Variants in BMP1 observed in about 807,000 individuals in gnomAD.
BMP1 encodes mammalian tolloid protein.
A neutral mutation model predicts 116.8 loss-of-function variants in BMP1; 63 were observed. The observed-to-expected ratio is 0.54, with a 90% CI of 0.44 to 0.67. The LOEUF (loss-of-function observed/expected upper bound fraction) is 0.67. Ranked by LOEUF, BMP1 falls within the 30% of genes least tolerant of loss-of-function variation. The probability of loss-of-function intolerance (pLI) is 0.00; values close to 1 mark genes in which losing one functional copy is unlikely to be tolerated. For missense variants in BMP1, 1,183 were observed against 1,358.9 expected (o/e 0.87, Z 2.04); for synonymous variants, 536 against 533.4 (o/e 1.00, Z -0.07).
intron 13 of BMP1, 63 bp downstream of exon 13, chr8:22,195,650 ATTTTT>A: frequency 7.6e-7 from 1 of 1,315,964 alleles, no homozygotes; most frequent in Non-Finnish European, 1.0e-6. Context: ...CCTGCCCAGA[ATTTTT>A]TTTTTTTTTA....
intron 1 of BMP1, 74 bp from the exon 2 acceptor site, chr8:22,173,528 G>T: frequency 2.7e-6 from 3 of 1,123,700 alleles, no homozygotes; most frequent in Non-Finnish European, 3.8e-6. Flanking sequence ...CCACAGGGTT[G>T]GGGCTAGAAG....
Position 22,194,182 on chromosome 8 carries a change from G to T in BMP1, c.1297+8G>T, listed in dbSNP as rs1379128502. 6.2e-7 allele frequency: 1 copy of T among 1,612,448 alleles called. No homozygotes were observed. The highest frequency in any genetic ancestry group is 1.1e-5 in the South Asian group (1 of 91,040). ...TCTTTGCAGTCTACGAAGGTACTGA[G>T]GAAGGCGGCGGGCGGGAGGAGTCAG... On this transcript the variant is annotated splice_region_variant and intron_variant, in intron 10 of 19. Transcript: ENST00000306385. This position sits in a 1 kb window ranked among gnomAD's most constrained non-coding sequence, Gnocchi z 4.5.
At chr8:22,173,236 G>A (rs899820394) in intron 1 of BMP1, among the ~76,000 whole-genome samples, 3 of 152,258 alleles carry the variant, frequency 2.0e-5, no homozygotes, top group South Asian at 4.1e-4. Context: ...AGGATCACTT[G>A]AAGCCAGGAT....
rs1829020951 is a variant in BMP1, at chr8:22,194,481, A to G, written c.1334A>G (p.His445Arg). ...GGTGATGTGAAAAAGGACTATGGCC[A>G]CATTCAATCGCCCAACTACCCAGAC... ...CGGDVKKDYGHIQSPNYPDDY... is the reference protein window; with the variant it reads ...CGGDVKKDYGRIQSPNYPDDY... The change falls in exon 11 of 20, where the codon CAC (histidine) becomes CGC (arginine). Residue 445 changes from histidine to arginine, a missense_variant. Physicochemically the swap from His to Arg is conservative, Grantham distance 29. This residue lies in a region of BMP1 where 956 missense variants were observed against 1,135.2 expected (regional missense o/e 0.84). Transcript: ENST00000306385. The surrounding 1 kb of genome is among the most constrained non-coding windows in gnomAD (Gnocchi z 4.5). 1 of 1,614,092 alleles carries G rather than the reference A, an allele frequency of 6.2e-7. No homozygotes were observed. Among genetic ancestry groups the G allele is most frequent in the Non-Finnish European group, 8.5e-7 (1 of 1,180,032 alleles).
Position 22,199,458 on chromosome 8 carries a change from C to T in BMP1, c.2107+2038C>T, listed in dbSNP as rs907596054. On this transcript the variant is annotated intron_variant, in intron 15 of 19. Transcript: ENST00000306385. ...CCACCCCCCTGCAACCTGCTCCCCC[C>T]AGCTCCCAGGTGAGGCTGCCCACTC... is the stretch of plus-strand genomic sequence containing the variant. 91 of 1,195,872 alleles carry T rather than the reference C, an allele frequency of 7.6e-5. No homozygotes were observed. In the African/African-American group the frequency reaches 1.4e-3, roughly 18 times the overall value. The allele number at this position is 1,195,872 out of a possible 1,614,324, so 74.1% of individuals were successfully genotyped here.
chr8:22,209,651 T>C lies in BMP1; in HGVS notation c.2782T>C (p.Tyr928His), dbSNP rs1489639154. 3 of 1,613,932 alleles carry C rather than the reference T, an allele frequency of 1.9e-6. No homozygotes were observed. Among genetic ancestry groups the C allele is most frequent in the South Asian group, 1.1e-5 (1 of 91,086 alleles). Reference protein sequence around the residue: ...GYDYMELFDGYDSTAPRLGRY... With the variant: ...GYDYMELFDGHDSTAPRLGRY... The stretch of plus-strand genomic sequence containing the variant: ...TGACTACATGGAGCTCTTCGACGGC[T>C]ACGACAGCACAGCCCCCAGGCTGGG... Residue 928 changes from tyrosine (Y) to histidine (H), a missense_variant, in exon 19 of 20, where the codon TAC becomes CAC. Around this residue, in one of 4 missense-constraint regions of BMP1, gnomAD observed 956 missense variants for 1,135.2 expected, o/e 0.84. Coordinates refer to ENST00000306385, the MANE Select transcript of BMP1 (RefSeq NM_006129.5).
rs1221809125 is a variant in BMP1, at chr8:22,207,521, T to C, written c.2575+5T>C. The stretch of plus-strand genomic sequence containing the variant: ...TCCAGGCCTCCCACGCCACAGGTAC[T>C]GTCCCCGGTTGTGGGAGTGTTCACT... On this transcript the variant is annotated splice_donor_5th_base_variant and intron_variant, in intron 18 of 19. Transcript: ENST00000306385. 2 of 1,611,880 alleles carry C rather than the reference T, an allele frequency of 1.2e-6. No homozygotes were observed. Among genetic ancestry groups the C allele is most frequent in the African/African-American group, 2.7e-5 (2 of 74,944 alleles).
At chr8:22,209,038 CTTAAAAG>C (rs1227661966) in intron 18 of BMP1, among the ~76,000 whole-genome samples, 24 of 152,376 alleles carry the variant, frequency 1.6e-4, no homozygotes, top group African/African-American at 5.8e-4. Context: ...TGAGCCAACA[CTTAAAAG>C]TTAGGAGTTT....
chr8:22,177,967 G>A lies in BMP1; in HGVS notation c.836+10G>A, dbSNP rs374662156. 9.4e-6 allele frequency: 15 copies of A among 1,598,030 alleles called. No homozygotes were observed. Among genetic ancestry groups the A allele is most frequent in the South Asian group, 3.3e-5 (3 of 90,062 alleles). On this transcript the variant is annotated intron_variant, in intron 6 of 19. Transcript: ENST00000306385. ...GGAACACATTCTCCAGGTGGGAGAC[G>A]GGATTGGGGCTGGGCCTCTGCTCGG... is the stretch of plus-strand genomic sequence containing the variant.
chr8:22,204,829 T>C (rs2131899573), intron 16 of BMP1, among the ~76,000 whole-genome samples: 1 of 150,192 alleles, frequency 6.7e-6, no homozygotes, highest in East Asian at 2.0e-4. Flanking sequence ...CGTGAGAGTG[T>C]GGCCATAGCG....
chr8:22,195,140 G>A (rs1237702530), intron 12 of BMP1, among the ~76,000 whole-genome samples: 2 of 152,178 alleles, frequency 1.3e-5, no homozygotes, highest in Non-Finnish European at 2.9e-5. Context: ...AAAGGCAGTT[G>A]GAGGTTTTTT....
intron 15 of BMP1, 113 bp from the exon 16 acceptor site, chr8:22,201,690 G>T (rs1011445601): frequency 8.6e-6 from 13 of 1,517,404 alleles, no homozygotes; most frequent in Non-Finnish European, 9.7e-6. Context: ...AGCTCTGCCA[G>T]CTGTTGCTCT....
rs35682477 is a variant in BMP1 at position 22,176,998 on chromosome 8, C to CA, written c.590dup (p.Ala198GlyfsTer9). ...CGTGGGTCGCCGCGGCGGGGGCCCC[C>CA]AGGCCATCTCCATCGGCAAGAACTG... On this transcript the variant is annotated frameshift_variant, in exon 5 of 20. Coordinates refer to ENST00000306385, the MANE Select transcript of BMP1 (RefSeq NM_006129.5). LOFTEE classifies it high-confidence loss of function. 6.2e-7 allele frequency: 1 copy of CA among 1,612,608 alleles called. No homozygotes were observed. Among genetic ancestry groups the CA allele is most frequent in the Admixed American group, 1.7e-5 (1 of 59,954 alleles).
Position 22,173,582 on chromosome 8 carries a change from GCTT to G in BMP1, c.149-13_149-11del, listed in dbSNP as rs770986352. 14 of 1,593,822 alleles carry G rather than the reference GCTT, an allele frequency of 8.8e-6. No individual in the cohort carries two copies. Among genetic ancestry groups the G allele is most frequent in the Admixed American group, 1.7e-5 (1 of 58,178 alleles). ...GGGTAGGAGGATTAACTCAGCCCTG[GCTT>G]CTTCTTTTCTCTTTAGCTGCCTTTC... On this transcript the variant is annotated splice_polypyrimidine_tract_variant and intron_variant, in intron 1 of 19. Coordinates refer to ENST00000306385, the MANE Select transcript of BMP1 (RefSeq NM_006129.5).
At chr8:22,199,280 A>G (rs928733107) in intron 15 of BMP1, 14 of 1,367,056 alleles carry the variant, frequency 1.0e-5, no homozygotes, top group Non-Finnish European at 1.4e-5. Context: ...AGCTATTTGG[A>G]CTTTTGGGAC....
Position 22,165,483 on chromosome 8 carries a change from C to G in BMP1, c.78C>G (p.Ala26=). The G allele has an allele frequency of 1.3e-6, 2 of 1,590,534 alleles. No homozygotes were observed. Among genetic ancestry groups the G allele is most frequent in the Admixed American group, 1.7e-5 (1 of 57,634 alleles). ...LPRPGRPLDL[A]DYTYDLAEED... ...GTCCCGGCCGGCCGCTGGACTTGGC[C>G]GACTACACCTATGACCTGGCGGAGG... is the stretch of plus-strand genomic sequence containing the variant. Residue 26 remains alanine (A), a synonymous_variant, in exon 1 of 20, where the codon GCC becomes GCG. Coordinates refer to ENST00000306385, the MANE Select transcript of BMP1 (RefSeq NM_006129.5).
Position 22,194,602 on chromosome 8 carries a change from G to A in BMP1, c.1443+12G>A, listed in dbSNP as rs181328614. 7.0e-5 allele frequency: 113 copies of A among 1,613,734 alleles called. 1 individual carries two copies. Among genetic ancestry groups the A allele is most frequent in the Non-Finnish European group, 9.2e-5 (109 of 1,179,852 alleles). ...TCCAGTCCTTTGAGGTAGGTCAGTG[G>A]CCCTGTGATCTGACCTTTGAATCCA... On this transcript the variant is annotated intron_variant, in intron 11 of 19. Transcript: ENST00000306385. This position sits in a 1 kb window ranked among gnomAD's most constrained non-coding sequence, Gnocchi z 4.5.
intron 1 of BMP1, among the ~76,000 whole-genome samples, chr8:22,167,287 G>A (rs1828142889): frequency 6.6e-6 from 1 of 152,154 alleles, no homozygotes; most frequent in African/African-American, 2.4e-5. Flanking sequence ...CTGCCTTCAA[G>A]GAGCTTACAG....
At chr8:22,178,059 G>A in intron 6 of BMP1, 102 bp downstream of exon 6, 1 of 982,620 alleles carries the variant, frequency 1.0e-6, no homozygotes, top group Non-Finnish European at 1.5e-6. Flanking sequence ...AGTGACCCAG[G>A]AAAAGAGTGG....
Sources: gnomAD v4.1 joint callset for allele counts (sites outside exome capture counted in the v4.1 genomes callset) on GRCh38, gnomAD v4.1.1 for gene constraint, gnomAD v4.1.1 regional missense constraint, Gnocchi (gnomAD v3.1) non-coding constraint, MANE v1.5 for transcripts, NCBI Gene and HGNC (gene_info 2026-07-23, HGNC 2026-07-21) for gene names.